Variants in CALCOCO1 observed in about 807,000 individuals in gnomAD.
The protein encoded by CALCOCO1 is calcium-binding and coiled-coil domain-containing protein 1.
CALCOCO1 carries 44 observed loss-of-function variants against 86.3 expected under a neutral mutation model. That is an observed-to-expected ratio of 0.51 (90% CI 0.40 to 0.66). The LOEUF is 0.66. Among genes scored for constraint, CALCOCO1 ranks in the 30% least tolerant of loss-of-function variants. The pLI, the probability that CALCOCO1 is intolerant of heterozygous loss-of-function variation, is 0.00. For missense variants in CALCOCO1, 708 were observed against 851.1 expected, an observed-to-expected ratio of 0.83 and a Z score of 2.09; for synonymous variants, 297 against 327.6, an observed-to-expected ratio of 0.91 and a Z score of 1.01.
intron 1 of CALCOCO1, among the ~76,000 whole-genome samples, chr12:53,726,674 C>G (rs78081691): frequency 0.11 from 16,275 of 152,180 alleles, 1,130 homozygotes; most frequent in Non-Finnish European, 0.16. Context: ...CAAAAAGGAG[C>G]AACTTCTGTC....
At position 53,711,754 on chromosome 12, in the gene CALCOCO1, A is replaced by C. The variant is rs192377832; in HGVS notation, c.*190T>G. 23 of 500,636 alleles carry C rather than the reference A, an allele frequency of 4.6e-5. No individual in the cohort carries two copies. Among genetic ancestry groups the C allele is most frequent in the Admixed American group, 1.2e-4 (3 of 24,712 alleles). The allele number at this position is 500,636 out of a possible 1,614,324, so 31.0% of individuals were successfully genotyped here. ...CCGAACAGGACCCCTCCCTGGGACA[A>C]AAGAGCCAGGTAGGAGAGGATGAAG... On this transcript the variant is annotated 3_prime_UTR_variant, in exon 15 of 15. Transcript: ENST00000550804.
At chr12:53,713,059 C>T in intron 14 of CALCOCO1, 41 bp downstream of exon 14, 2 of 1,558,180 alleles carry the variant, frequency 1.3e-6, no homozygotes, top group African/African-American at 1.4e-5. Context: ...TTCCCTCTGA[C>T]CTCCTCCCAC....
chr12:53,712,893 T>C, intron 14 of CALCOCO1: 1 of 1,453,256 alleles, frequency 6.9e-7, no homozygotes, highest in Non-Finnish European at 9.2e-7. Context: ...CTGAGTGCAT[T>C]GATAAGATAG....
chr12:53,715,623 G>T, intron 9 of CALCOCO1, 170 bp downstream of exon 9: 1 of 882,780 alleles, frequency 1.1e-6, no homozygotes, highest in Non-Finnish European at 1.7e-6. Context: ...GTTAGGGATG[G>T]GTCATGCCTA....
chr12:53,709,860 A>G lies in CALCOCO1; in HGVS notation c.*2084T>C, dbSNP rs996228944. On this transcript the variant is annotated 3_prime_UTR_variant, in exon 15 of 15. Coordinates refer to ENST00000550804, the MANE Select transcript of CALCOCO1 (RefSeq NM_020898.3). Reference sequence around the variant, plus strand: ...CTGGAAGCCAGGAGGTGTGGGTCCCAGATTCTTCTCGCCCCAACCTCCCCC... The same window carrying G: ...CTGGAAGCCAGGAGGTGTGGGTCCCGGATTCTTCTCGCCCCAACCTCCCCC... 1 of 152,182 alleles carries G rather than the reference A, an allele frequency of 6.6e-6. No individual in the cohort carries two copies. Among genetic ancestry groups the G allele is most frequent in the Non-Finnish European group, 1.5e-5 (1 of 68,034 alleles). 9.4% of individuals were successfully genotyped at this position (152,182 alleles called of 1,614,324 possible).
chr12:53,714,168 G>A lies in CALCOCO1; in HGVS notation c.1556C>T (p.Ala519Val). The change falls in exon 12 of 15, where the codon GCC becomes GTC. Residue 519 changes from alanine (A) to valine (V), a missense_variant. Transcript: ENST00000550804. The part of the protein sequence containing the change: ...KVADEKWNED[A>V]TTEDEEAAVG... ...AGCGGCCTCCTCATCCTCTGTGGTG[G>A]CATCCTCATTCCACTTCTCATCTGC... 1 of 1,613,306 alleles carries A rather than the reference G, an allele frequency of 6.2e-7. No homozygotes were observed.
At chr12:53,723,905 C>T (rs1268090461) in intron 3 of CALCOCO1, 122 bp from the exon 4 acceptor site, 4 of 790,280 alleles carry the variant, frequency 5.1e-6, no homozygotes, top group South Asian at 1.9e-5. Context: ...TACTCTTCTC[C>T]CTCCTTTCTG....
intron 5 of CALCOCO1, 96 bp downstream of exon 5, chr12:53,721,929 C>T: frequency 7.2e-7 from 1 of 1,394,042 alleles, no homozygotes; most frequent in African/African-American, 1.4e-5. Flanking sequence ...ATTGTAAAAG[C>T]CCACTAACAT....
At chr12:53,726,023 T>C (rs1054076604) in intron 1 of CALCOCO1, among the ~76,000 whole-genome samples, 2 of 148,260 alleles carry the variant, frequency 1.3e-5, no homozygotes, top group African/African-American at 5.0e-5. Flanking sequence ...AAGGGTGGAG[T>C]GAGGCGCTTA....
intron 7 of CALCOCO1, among the ~76,000 whole-genome samples, chr12:53,719,407 T>TC (rs1268491832): frequency 3.3e-5 from 5 of 152,056 alleles, no homozygotes. Context: ...ATGGCTGTAA[T>TC]CCCCGCTGCT....
chr12:53,716,204 C>G, intron 8 of CALCOCO1, 56 bp downstream of exon 8: 2 of 1,605,730 alleles, frequency 1.2e-6, no homozygotes, highest in Non-Finnish European at 8.5e-7. Flanking sequence ...ACGCAGGCTT[C>G]TCTACAACTT....
chr12:53,723,919 G>C (rs564092906), intron 3 of CALCOCO1, 136 bp from the exon 4 acceptor site: 1 of 711,412 alleles, frequency 1.4e-6, no homozygotes, highest in African/African-American at 1.8e-5. Flanking sequence ...CTTTCTGCCT[G>C]TCCCTCTCCT....
At chr12:53,714,555 C>T in intron 11 of CALCOCO1, 43 bp downstream of exon 11, 1 of 1,442,794 alleles carries the variant, frequency 6.9e-7, no homozygotes, top group Non-Finnish European at 9.8e-7. Context: ...GCCCTCAAGT[C>T]CTCACCTGTG....
At chr12:53,727,270 T>C (rs1300986605) in intron 1 of CALCOCO1, 134 bp downstream of exon 1, 1 of 152,302 alleles carries the variant, frequency 6.6e-6, no homozygotes, top group Admixed American at 6.5e-5. Flanking sequence ...GCTTCTCCAG[T>C]ACGGAAAGGG....
chr12:53,723,513 A>C (rs749877915), intron 4 of CALCOCO1, 80 bp downstream of exon 4: 1 of 1,438,610 alleles, frequency 7.0e-7, no homozygotes, highest in Non-Finnish European at 9.8e-7. Context: ...AGATGAGGGG[A>C]GGGTAAGGTG....
At chr12:53,712,497 A>G in intron 14 of CALCOCO1, 1 of 230,050 alleles carries the variant, frequency 4.3e-6, no homozygotes, top group Non-Finnish European at 8.6e-6. Context: ...AGCCCATCTC[A>G]CATCCAGGCA....
In CALCOCO1 at chr12:53,723,598, A is replaced by G; in HGVS notation, c.445T>C (p.Leu149=). The change falls in exon 4 of 15, where the codon TTA becomes CTA. Residue 149 remains leucine (L), a synonymous_variant. Coordinates refer to ENST00000550804, the MANE Select transcript of CALCOCO1 (RefSeq NM_020898.3). ...CTCTGTTGCTCTTTTCTCACCTGTA[A>G]CACAGTTGCCTTGGGGACAACCAGC... ...ILLVVPKATV[L]QNQLDESQQE... 5 of 1,614,156 alleles carry G rather than the reference A, an allele frequency of 3.1e-6. No homozygotes were observed. Among genetic ancestry groups the G allele is most frequent in the Non-Finnish European group, 4.2e-6 (5 of 1,180,020 alleles).
rs370482352 is a variant in CALCOCO1 at position 53,714,121 on chromosome 12, G to C, written c.1591+12C>G. On this transcript the variant is annotated intron_variant, in intron 12 of 14. Transcript: ENST00000550804. Reference sequence around the variant, plus strand: ...TGGGGAAGAGGTGTTACAAGATTGGGGCTACACGGACTCAGCCCCACAGCG... The same window carrying C: ...TGGGGAAGAGGTGTTACAAGATTGGCGCTACACGGACTCAGCCCCACAGCG... 1 of 1,594,982 alleles carries C rather than the reference G, an allele frequency of 6.3e-7. No homozygotes were observed. Among genetic ancestry groups the C allele is most frequent in the Non-Finnish European group, 8.6e-7 (1 of 1,166,416 alleles).
intron 1 of CALCOCO1, chr12:53,726,075 TGGA>T (rs1946022536): frequency 6.6e-6 from 1 of 152,060 alleles, no homozygotes; most frequent in Non-Finnish European, 1.5e-5. Flanking sequence ...TGTGGGGGCC[TGGA>T]GCCAGGAAAG....
Sources: gnomAD v4.1 joint callset for allele counts (sites outside exome capture counted in the v4.1 genomes callset) on GRCh38, gnomAD v4.1.1 for gene constraint, MANE v1.5 for transcripts, NCBI Gene and HGNC (gene_info 2026-07-23, HGNC 2026-07-21) for gene names.